LDB2: variants seen among roughly 807,000 people sequenced by gnomAD.
LDB2 encodes LIM domain-binding protein 2.
Under a neutral mutation model 44.3 loss-of-function variants are expected in LDB2, and 12 were observed. That is an observed-to-expected ratio of 0.27 (90% CI 0.17 to 0.44). The LOEUF (loss-of-function observed/expected upper bound fraction) is 0.44, where lower values mean the gene tolerates loss of function less well. LDB2 is among the 20% of genes least tolerant of loss of function. The probability of loss-of-function intolerance (pLI) is 1.00; values close to 1 mark genes in which losing one functional copy is unlikely to be tolerated. For missense variants in LDB2, 344 were observed against 473.5 expected, an observed-to-expected ratio of 0.73 and a Z score of 2.54; for synonymous variants, 164 against 174.8, an observed-to-expected ratio of 0.94 and a Z score of 0.49.
At chr4:16,607,286 C>G (rs1724209943) in intron 2 of LDB2, among the ~76,000 whole-genome samples, 1 of 152,224 alleles carries the variant, frequency 6.6e-6, no homozygotes, top group Non-Finnish European at 1.5e-5. Flanking sequence ...CATTCAGCAT[C>G]CGCCACCCAG....
At chr4:16,728,986 C>T (rs1760134726) in intron 2 of LDB2, among the ~76,000 whole-genome samples, 2 of 152,122 alleles carry the variant, frequency 1.3e-5, no homozygotes, top group Admixed American at 1.3e-4. Context: ...AATGAGATCC[C>T]TTTTTTATTG....
chr4:16,546,588 C>T (rs1202270880), intron 5 of LDB2, among the ~76,000 whole-genome samples: 2 of 152,192 alleles, frequency 1.3e-5, no homozygotes, highest in Non-Finnish European at 1.5e-5. Context: ...ACAGCTTGCA[C>T]ATGGTATGAC....
intron 2 of LDB2, among the ~76,000 whole-genome samples, chr4:16,651,914 G>A (rs1025168893): frequency 3.9e-5 from 6 of 152,112 alleles, no homozygotes; most frequent in African/African-American, 9.7e-5. Context: ...CTCTTACTTA[G>A]GTACTATATC....
chr4:16,848,771 A>C (rs1029082764), intron 1 of LDB2, among the ~76,000 whole-genome samples: 1 of 152,172 alleles, frequency 6.6e-6, no homozygotes, highest in African/African-American at 2.4e-5. Context: ...CATATCTGAT[A>C]TATCAGCAAA....
intron 1 of LDB2, among the ~76,000 whole-genome samples, chr4:16,859,736 C>T (rs1157213443): frequency 7.2e-5 from 11 of 152,156 alleles, no homozygotes. Context: ...GCCACACAAT[C>T]ACAGTACCAG....
At chr4:16,821,746 C>CAAAAAAAAAAA (rs562184189) in intron 1 of LDB2, among the ~76,000 whole-genome samples, 955 of 61,726 alleles carry the variant, frequency 0.015, 168 homozygotes, top group Admixed American at 0.028. Flanking sequence ...AACATTAAAG[C>CAAAAAAAAAAA]AAAAAAAAAA....
intron 1 of LDB2, among the ~76,000 whole-genome samples, chr4:16,821,746 C>CAAAAAGAAAAA (rs1782081220): frequency 1.6e-5 from 1 of 61,752 alleles, no homozygotes; most frequent in African/African-American, 6.3e-5. Flanking sequence ...AACATTAAAG[C>CAAAAAGAAAAA]AAAAAAAAAA....
intron 5 of LDB2, among the ~76,000 whole-genome samples, chr4:16,512,878 C>T (rs1722319440): frequency 6.6e-6 from 1 of 152,046 alleles, no homozygotes; most frequent in Non-Finnish European, 1.5e-5. Flanking sequence ...AAGATAAAAC[C>T]ATTTAGGATT....
intron 2 of LDB2, among the ~76,000 whole-genome samples, chr4:16,615,927 G>T (rs4698497): frequency 0.49 from 73,676 of 151,696 alleles, 18,027 homozygotes; most frequent in Middle Eastern, 0.65. Context: ...CCTTGGGCAA[G>T]TTCCTTAATC....
At chr4:16,864,489 G>C (rs543065584) in intron 1 of LDB2, among the ~76,000 whole-genome samples, 3 of 152,212 alleles carry the variant, frequency 2.0e-5, no homozygotes, top group East Asian at 1.9e-4. Context: ...TGTAAGACTC[G>C]GGTAAAATGT....
chr4:16,531,016 T>C (rs1729954485), intron 5 of LDB2, among the ~76,000 whole-genome samples: 1 of 152,204 alleles, frequency 6.6e-6, no homozygotes, highest in South Asian at 2.1e-4. Flanking sequence ...TGGTGTTTTC[T>C]AGAGGGGTTA....
At chr4:16,894,747 A>G (rs946096112) in intron 1 of LDB2, among the ~76,000 whole-genome samples, 2 of 152,144 alleles carry the variant, frequency 1.3e-5, no homozygotes, top group Non-Finnish European at 2.9e-5. Context: ...ATTTAAATGC[A>G]TTGGTTTTCA....
At chr4:16,819,460 GAAAAAAAA>G (rs369605183) in intron 1 of LDB2, among the ~76,000 whole-genome samples, 1 of 93,456 alleles carries the variant, frequency 1.1e-5, no homozygotes, top group Non-Finnish European at 2.0e-5. Flanking sequence ...CTGCACTCAG[GAAAAAAAA>G]AAAAAAAAAA....
intron 5 of LDB2, among the ~76,000 whole-genome samples, chr4:16,532,609 C>G (rs1297379399): frequency 6.6e-6 from 1 of 152,176 alleles, no homozygotes; most frequent in Non-Finnish European, 1.5e-5. Flanking sequence ...GGTGTGGTCA[C>G]GAAGAGCTTC....
chr4:16,739,278 A>G (rs1762471856), intron 2 of LDB2, among the ~76,000 whole-genome samples: 1 of 151,874 alleles, frequency 6.6e-6, no homozygotes, highest in African/African-American at 2.4e-5. Flanking sequence ...AGGTTAAGTC[A>G]TTACGATTTC....
intron 2 of LDB2, among the ~76,000 whole-genome samples, chr4:16,739,706 GTATATATGTATATATACA>G (rs1317691634): frequency 2.2e-5 from 1 of 46,074 alleles, no homozygotes; most frequent in Non-Finnish European, 4.7e-5. Flanking sequence ...ACATATATGT[GTATATATGTATATATACA>G]TATATGTGTA....
At chr4:16,620,257 C>G (rs1218167634) in intron 2 of LDB2, among the ~76,000 whole-genome samples, 1 of 152,142 alleles carries the variant, frequency 6.6e-6, no homozygotes, top group Non-Finnish European at 1.5e-5. Flanking sequence ...ACTGAGCTCA[C>G]TGGATAGGCT....
At chr4:16,891,664 G>A (rs935505921) in intron 1 of LDB2, among the ~76,000 whole-genome samples, 1 of 151,818 alleles carries the variant, frequency 6.6e-6, no homozygotes, top group African/African-American at 2.4e-5. Flanking sequence ...CAGTACCCAG[G>A]GTATATTTTC....
intron 1 of LDB2, among the ~76,000 whole-genome samples, chr4:16,886,297 T>C (rs76396651): frequency 0.036 from 5,545 of 152,266 alleles, 126 homozygotes; most frequent in South Asian, 0.057. Context: ...AAAATATCTA[T>C]ATGTTGTTAA....
Sources: allele counts gnomAD v4.1 joint callset (sites outside exome capture counted in the v4.1 genomes callset), GRCh38; gene constraint gnomAD v4.1.1; transcripts MANE v1.5; gene names NCBI Gene and HGNC (gene_info 2026-07-23, HGNC 2026-07-21).